The following ADH5 variants were observed in gnomAD, a reference collection of about 807,000 sequenced individuals.
ADH5 encodes alcohol dehydrogenase 5 (class III), chi polypeptide, also known as alcohol dehydrogenase class-3.
Under a neutral mutation model 40.3 loss-of-function variants are expected in ADH5, and 32 were observed. The observed-to-expected ratio is 0.79, with a 90% CI of 0.60 to 1.07. The LOEUF (loss-of-function observed/expected upper bound fraction) is 1.07, where lower values mean the gene tolerates loss of function less well. Among genes scored for constraint, ADH5 ranks in the 50% least tolerant of loss-of-function variants. The pLI is 0.00. For synonymous variants in ADH5, 125 were observed against 154.3 expected (o/e 0.81, Z 1.41); for missense variants, 353 against 460.5 (o/e 0.77, Z 2.14).
chr4:99,085,308 A>C (rs1381906175), intron 1 of ADH5, 92 bp from the exon 2 acceptor site: 1 of 502,262 alleles, frequency 2.0e-6, no homozygotes, highest in Non-Finnish European at 3.4e-6. Context: ...TGCTAATCTT[A>C]AAAAGTATAT....
rs1050636 is a variant in ADH5 at position 99,076,769 on chromosome 4, C to A, written c.499G>T (p.Asp167Tyr). The change falls in exon 5 of 9, where the codon GAT becomes TAT. Residue 167 changes from aspartate to tyrosine, a missense_variant. Asp to Tyr is a radical substitution (Grantham distance 160, BLOSUM62 -3). Coordinates refer to ENST00000296412, the MANE Select transcript of ADH5 (RefSeq NM_000671.4). ...CCACAACCTAGAAGGCAGACTTTAT[C>A]CAAAGGTGCTAAAGGATCTATTTTA... ...VAKIDPLAPLDKVCLLGCGIS... is the reference protein window; with the variant it reads ...VAKIDPLAPLYKVCLLGCGIS... 1.2e-3 allele frequency: 1,937 copies of A among 1,614,012 alleles called. 2 individuals carry two copies. The highest frequency in any genetic ancestry group is 1.4e-3 in the Non-Finnish European group (1,666 of 1,179,896).
rs373123361 is a variant in ADH5 at position 99,074,488 on chromosome 4, T to C, written c.961+426A>G. Among the ~76,000 whole-genome samples, 103 of 152,318 alleles carry C rather than the reference T, an allele frequency of 6.8e-4. No homozygotes were observed. In the South Asian group the frequency reaches 0.02, roughly 29 times the overall value. On this transcript the variant is annotated intron_variant, in intron 7 of 8. Coordinates refer to ENST00000296412, the MANE Select transcript of ADH5 (RefSeq NM_000671.4). ...GGTTACTGCTAAAATCAGACAGATATATGATCACATCCAGTGATCACTGCA... is the reference window on the plus strand; with the variant it reads ...GGTTACTGCTAAAATCAGACAGATACATGATCACATCCAGTGATCACTGCA...
chr4:99,087,017 G>A (rs1309819822), intron 1 of ADH5, among the ~76,000 whole-genome samples: 1 of 147,778 alleles, frequency 6.8e-6, no homozygotes, highest in African/African-American at 2.5e-5. Flanking sequence ...TGCAAAATAA[G>A]TTAGTAGTTA....
intron 6 of ADH5, 27 bp downstream of exon 6, chr4:99,076,265 C>G: frequency 1.2e-6 from 2 of 1,601,988 alleles, no homozygotes; most frequent in Non-Finnish European, 1.7e-6. Context: ...GTTCCATAAA[C>G]TAAAAAGGAA....
At chr4:99,077,618 A>G (rs541391161) in intron 4 of ADH5, among the ~76,000 whole-genome samples, 2 of 152,336 alleles carry the variant, frequency 1.3e-5, no homozygotes, top group African/African-American at 4.8e-5. Flanking sequence ...ATGAAAACAG[A>G]TAGCCAAACT....
chr4:99,087,897 G>GA lies in ADH5; in HGVS notation c.12+791dup, dbSNP rs1320702928. Among the ~76,000 whole-genome samples the GA allele has an allele frequency of 5.3e-5, 8 of 152,292 alleles. 1 individual carries two copies. The East Asian group carries it at 1.2e-3, about 22-fold the overall frequency. The stretch of plus-strand genomic sequence containing the variant: ...ATGTTTAAGGCCATTTGTCTTACTA[G>GA]AAAATGTCCAAAATTGCAAAACATT... On this transcript the variant is annotated intron_variant, in intron 1 of 8. Coordinates refer to ENST00000296412, the MANE Select transcript of ADH5 (RefSeq NM_000671.4).
At chr4:99,079,223 C>G (rs1727982032) in intron 4 of ADH5, among the ~76,000 whole-genome samples, 1 of 152,202 alleles carries the variant, frequency 6.6e-6, no homozygotes, top group Non-Finnish European at 1.5e-5. Context: ...GCAGCATTAA[C>G]TGTAACCACC....
chr4:99,072,555 TATA>T lies in ADH5; in HGVS notation c.1100+15_1100+17del, dbSNP rs755147692. On this transcript the variant is annotated intron_variant, in intron 8 of 8. Coordinates refer to ENST00000296412, the MANE Select transcript of ADH5 (RefSeq NM_000671.4). Reference sequence around the variant, plus strand: ...AACATCATTATTACATTCTATGATATATAAAGAGAAAGCCTACCTCTTTCCAGA... The same window carrying T: ...AACATCATTATTACATTCTATGATATAAGAGAAAGCCTACCTCTTTCCAGA... The T allele has an allele frequency of 1.7e-5, 28 of 1,609,578 alleles. No individual in the cohort carries two copies. The highest frequency in any genetic ancestry group is 2.4e-5 in the Non-Finnish European group (28 of 1,178,424).
In ADH5 at chr4:99,088,687, A is replaced by T; in HGVS notation, c.12+2T>A. ...CAGGGCCCTCCGCTCAACGGGCCCT[A>T]CCTCGTTCGCCATGTTCACGGATTC... On this transcript the variant is annotated splice_donor_variant, in intron 1 of 8. Transcript: ENST00000296412. LOFTEE classifies it high-confidence loss of function. 4 of 1,606,462 alleles carry T rather than the reference A, an allele frequency of 2.5e-6. No individual in the cohort carries two copies. Among genetic ancestry groups the T allele is most frequent in the Non-Finnish European group, 2.6e-6 (3 of 1,175,990 alleles).
At chr4:99,083,854 T>G (rs1318280681) in intron 2 of ADH5, among the ~76,000 whole-genome samples, 1 of 152,128 alleles carries the variant, frequency 6.6e-6, no homozygotes, top group East Asian at 1.9e-4. Context: ...GCTAAACACA[T>G]GAAGTTTTCT....
At chr4:99,087,296 C>T (rs1728162469) in intron 1 of ADH5, among the ~76,000 whole-genome samples, 1 of 150,596 alleles carries the variant, frequency 6.6e-6, no homozygotes, top group Non-Finnish European at 1.5e-5. Flanking sequence ...ACAGGAGAAT[C>T]GCTTGAACCC....
In ADH5 at chr4:99,072,276, T is replaced by G; in HGVS notation, c.*141A>C. The G allele has an allele frequency of 1.5e-6, 1 of 666,000 alleles. No homozygotes were observed. Among genetic ancestry groups the G allele is most frequent in the African/African-American group, 1.8e-5 (1 of 54,712 alleles). The allele number at this position is 666,000 out of a possible 1,614,324, so 41.3% of individuals were successfully genotyped here. A position where few individuals can be genotyped will look rare whatever the true frequency, so the allele number is the denominator to read the frequency against. On this transcript the variant is annotated 3_prime_UTR_variant, in exon 9 of 9. Coordinates refer to ENST00000296412, the MANE Select transcript of ADH5 (RefSeq NM_000671.4). ...TTATCCTTGTCCTTGATTATAGAGA[T>G]TCATGAATGACACACATAACCCTAT...
chr4:99,075,204 T>A, intron 6 of ADH5, 155 bp from the exon 7 acceptor site: 1 of 560,578 alleles, frequency 1.8e-6, no homozygotes, highest in African/African-American at 2.0e-5. Context: ...TTGAACAATT[T>A]ATATTTTAAT....
chr4:99,082,277 C>G (rs1728040583), intron 2 of ADH5, among the ~76,000 whole-genome samples, 161 bp from the exon 3 acceptor site: 2 of 152,304 alleles, frequency 1.3e-5, no homozygotes, highest in Middle Eastern at 3.4e-3. Flanking sequence ...TGCTTATAAT[C>G]CATGGCATCT....
rs28730648 is a variant in ADH5, at chr4:99,071,804, T to A, written c.*613A>T. ...AAATAGTACAGTCACAACCAACACA[T>A]ACATACACCTATTTAAGCCCAGAAT... is the stretch of plus-strand genomic sequence containing the variant. On this transcript the variant is annotated 3_prime_UTR_variant, in exon 9 of 9. Transcript: ENST00000296412. The A allele has an allele frequency of 1.3e-5, 2 of 152,372 alleles. No homozygotes were observed. The highest frequency in any genetic ancestry group is 1.3e-4 in the Admixed American group (2 of 15,288). The allele number at this position is 152,372 out of a possible 1,614,324, so 9.4% of individuals were successfully genotyped here.
rs1042867061 is a variant in ADH5, at chr4:99,088,786, G to C, written c.-86C>G. ...GGCATGGGCGTGGCGAGCGCCTAGC[G>C]AGGGGGGCGGGGCGTGGGGGGGGCT... On this transcript the variant is annotated 5_prime_UTR_variant, in exon 1 of 9. Transcript: ENST00000296412. The C allele has an allele frequency of 3.4e-6, 3 of 889,168 alleles. No homozygotes were observed. Among genetic ancestry groups the C allele is most frequent in the African/African-American group, 3.8e-5 (2 of 52,526 alleles). 55.1% of individuals were successfully genotyped at this position (889,168 alleles called of 1,614,324 possible).
At chr4:99,080,314 T>G (rs1487372541) in intron 4 of ADH5, 1 of 205,408 alleles carries the variant, frequency 4.9e-6, no homozygotes, top group Non-Finnish European at 9.8e-6. Flanking sequence ...GCCAACAAAT[T>G]TCCAGATTAT....
chr4:99,078,617 T>G (rs547067373), intron 4 of ADH5, among the ~76,000 whole-genome samples: 6 of 152,240 alleles, frequency 3.9e-5, no homozygotes, highest in African/African-American at 1.4e-4. Flanking sequence ...GTGCAGGCTG[T>G]TCTCTAACTG....
chr4:99,076,639 TTC>T, intron 5 of ADH5, 63 bp downstream of exon 5: 1 of 1,595,360 alleles, frequency 6.3e-7, no homozygotes, highest in Non-Finnish European at 8.5e-7. Flanking sequence ...AATTTCACTA[TTC>T]CAGGAAAGTT....
Sources: gnomAD v4.1 joint callset for allele counts (sites outside exome capture counted in the v4.1 genomes callset) on GRCh38, gnomAD v4.1.1 for gene constraint, MANE v1.5 for transcripts, NCBI Gene and HGNC (gene_info 2026-07-23, HGNC 2026-07-21) for gene names.